The following RASEF variants were observed in gnomAD, a reference collection of about 807,000 sequenced individuals.
The protein encoded by RASEF is ras and EF-hand domain-containing protein.
In RASEF, 68 loss-of-function variants were observed where a neutral mutation model predicts 90.1. The observed-to-expected ratio is 0.75, with a 90% confidence interval of 0.62 to 0.92. The LOEUF is 0.92. Among genes scored for constraint, RASEF ranks in the 40% least tolerant of loss-of-function variants. RASEF has a pLI of 0.00. For synonymous variants in RASEF, 331 were observed against 345.2 expected, an observed-to-expected ratio of 0.96 and a Z score of 0.46; for missense variants, 949 against 937.2, an observed-to-expected ratio of 1.01 and a Z score of -0.16.
the RASEF span, among the ~76,000 whole-genome samples, chr9:83,176,788 A>G: frequency 7.3e-3 from 1,110 of 152,068 alleles, 13 homozygotes; most frequent in African/African-American, 0.025. Flanking sequence ...TTTTTGTGCT[A>G]TTATCATTAT....
the RASEF span, among the ~76,000 whole-genome samples, chr9:83,131,773 T>C: frequency 1.9e-4 from 29 of 152,300 alleles, no homozygotes; most frequent in Middle Eastern, 6.8e-3. Flanking sequence ...CTCTAAGCTA[T>C]ATAAGATTTA....
At chr9:83,096,764 C>A in the RASEF span, among the ~76,000 whole-genome samples, 38 of 152,110 alleles carry the variant, frequency 2.5e-4, no homozygotes, top group African/African-American at 8.9e-4. Context: ...CATATCTCCT[C>A]ATGCTATCCC....
the RASEF span, among the ~76,000 whole-genome samples, chr9:83,076,510 C>T: frequency 6.6e-6 from 1 of 151,890 alleles, no homozygotes; most frequent in African/African-American, 2.4e-5. Flanking sequence ...GTTGAGAATG[C>T]CATGCCTTTA....
chr9:83,185,941 C>T, the RASEF span, among the ~76,000 whole-genome samples: 3 of 148,450 alleles, frequency 2.0e-5, no homozygotes, highest in Admixed American at 1.3e-4. Context: ...AGCACAGTCA[C>T]GTAGCCACAT....
the RASEF span, among the ~76,000 whole-genome samples, chr9:83,166,012 T>C: frequency 6.6e-6 from 1 of 152,134 alleles, no homozygotes; most frequent in African/African-American, 2.4e-5. Flanking sequence ...ATATAATCAA[T>C]AGTTTATAAT....
chr9:83,179,245 A>G, the RASEF span, among the ~76,000 whole-genome samples: 1 of 152,316 alleles, frequency 6.6e-6, no homozygotes, highest in East Asian at 1.9e-4. Context: ...TACCACTAAA[A>G]GCTTCTTGCA....
chr9:83,208,828 G>C, the RASEF span, among the ~76,000 whole-genome samples: 2 of 152,136 alleles, frequency 1.3e-5, no homozygotes, highest in Non-Finnish European at 2.9e-5. Context: ...TGAGCAGAGG[G>C]GGAGGATCAG....
At chr9:83,104,457 A>G in the RASEF span, among the ~76,000 whole-genome samples, 1 of 152,226 alleles carries the variant, frequency 6.6e-6, no homozygotes, top group African/African-American at 2.4e-5. Flanking sequence ...CAGTCCATGC[A>G]ATAAAGAGAT....
At chr9:83,112,821 G>GT in the RASEF span, among the ~76,000 whole-genome samples, 10 of 152,022 alleles carry the variant, frequency 6.6e-5, no homozygotes, top group Admixed American at 3.3e-4. Context: ...CTAATTTTGG[G>GT]TTTTTTTGTT....
At chr9:83,012,245 C>T (rs1267893202) in intron 5 of RASEF, among the ~76,000 whole-genome samples, 189 bp downstream of exon 5, 1 of 152,172 alleles carries the variant, frequency 6.6e-6, no homozygotes, top group Middle Eastern at 3.2e-3. Context: ...AAAGCTTTCA[C>T]AATAAGTGGC....
the RASEF span, among the ~76,000 whole-genome samples, chr9:83,088,912 A>G: frequency 6.6e-6 from 1 of 151,986 alleles, no homozygotes; most frequent in Non-Finnish European, 1.5e-5. Flanking sequence ...ATCCATTTAC[A>G]TTTAAGTTAA....
At chr9:83,172,319 A>C in the RASEF span, among the ~76,000 whole-genome samples, 3 of 151,784 alleles carry the variant, frequency 2.0e-5, no homozygotes, top group African/African-American at 7.2e-5. Flanking sequence ...TTGTGGCCTT[A>C]AGAATTGGAC....
At chr9:83,200,643 G>A in the RASEF span, among the ~76,000 whole-genome samples, 2 of 152,024 alleles carry the variant, frequency 1.3e-5, no homozygotes, top group African/African-American at 4.8e-5. Flanking sequence ...CATCATTTTT[G>A]TCTCACTCCA....
the RASEF span, among the ~76,000 whole-genome samples, chr9:83,166,309 A>G: frequency 6.6e-6 from 1 of 152,174 alleles, no homozygotes; most frequent in East Asian, 1.9e-4. Context: ...AAAATTATAC[A>G]CTACAACCAA....
intron 1 of RASEF, among the ~76,000 whole-genome samples, chr9:83,046,985 G>A (rs1716564666): frequency 6.6e-6 from 1 of 152,032 alleles, no homozygotes; most frequent in Non-Finnish European, 1.5e-5. Flanking sequence ...CTATTATGAT[G>A]AAATGGCCAT....
chr9:83,000,208 A>G lies in RASEF; in HGVS notation c.1684T>C (p.Cys562Arg). Residue 562 changes from cysteine (C) to arginine (R), a missense_variant, in exon 12 of 17, where the codon TGC becomes CGC. Cys to Arg is a radical substitution (Grantham distance 180). This residue lies in a region of RASEF where 288 missense variants were observed against 328.4 expected (regional missense o/e 0.88). Coordinates refer to ENST00000376447, the MANE Select transcript of RASEF (RefSeq NM_152573.4). Reference sequence around the variant, plus strand: ...ATATTTTCTCGAAATTCATTCTTGCAAAGTCTCATGAGGAAACTAGACTTC... The same window carrying G: ...ATATTTTCTCGAAATTCATTCTTGCGAAGTCTCATGAGGAAACTAGACTTC... ...VGKSSFLMRL[C>R]KNEFRENISA... 5.0e-6 allele frequency: 8 copies of G among 1,614,048 alleles called. No homozygotes were observed. The highest frequency in any genetic ancestry group is 6.8e-6 in the Non-Finnish European group (8 of 1,179,994).
At chr9:83,135,813 A>C in the RASEF span, among the ~76,000 whole-genome samples, 5 of 152,226 alleles carry the variant, frequency 3.3e-5, no homozygotes, top group African/African-American at 1.2e-4. Context: ...ATAGGCTTCA[A>C]AATAATTTCT....
At chr9:83,109,368 C>G in the RASEF span, among the ~76,000 whole-genome samples, 1 of 152,098 alleles carries the variant, frequency 6.6e-6, no homozygotes, top group African/African-American at 2.4e-5. Flanking sequence ...GAGAATACTC[C>G]CTGTGTTTCT....
At chr9:83,021,217 G>A (rs1300306522) in intron 3 of RASEF, among the ~76,000 whole-genome samples, 4 of 152,196 alleles carry the variant, frequency 2.6e-5, no homozygotes, top group Non-Finnish European at 5.9e-5. Flanking sequence ...TGTGAAGGCA[G>A]GTAGGTTGCA....
Sources: allele counts gnomAD v4.1 joint callset (sites outside exome capture counted in the v4.1 genomes callset), GRCh38; gene constraint gnomAD v4.1.1; regional missense constraint gnomAD v4.1.1; transcripts MANE v1.5; gene names NCBI Gene and HGNC (gene_info 2026-07-23, HGNC 2026-07-21).